PAK5: variants seen among roughly 807,000 people sequenced by gnomAD.
PAK5 encodes p21 (RAC1) activated kinase 5.
PAK5 carries 16 observed loss-of-function variants against 65.9 expected under a neutral mutation model. The observed-to-expected ratio is 0.24, with a 90% confidence interval of 0.16 to 0.37. The LOEUF (loss-of-function observed/expected upper bound fraction) is 0.37. Among genes scored for constraint, PAK5 ranks in the 10% least tolerant of loss-of-function variants. The pLI is 1.00. For missense variants in PAK5, 785 were observed against 903.9 expected, an observed-to-expected ratio of 0.87 and a Z score of 1.69; for synonymous variants, 371 against 354.9, an observed-to-expected ratio of 1.05 and a Z score of -0.51.
intron 3 of PAK5, among the ~76,000 whole-genome samples, chr20:9,585,793 C>T (rs377728025): frequency 1.6e-4 from 25 of 152,058 alleles, no homozygotes; most frequent in South Asian, 6.2e-4. Flanking sequence ...CTTCAGTGGA[C>T]GGAAATTTGT....
chr20:9,648,777 T>C (rs1161794331), intron 2 of PAK5, among the ~76,000 whole-genome samples: 1 of 152,218 alleles, frequency 6.6e-6, no homozygotes, highest in African/African-American at 2.4e-5. Context: ...GAGCAATGTA[T>C]GGCTGCCCTG....
At chr20:9,764,670 A>G (rs1752663788) in intron 1 of PAK5, among the ~76,000 whole-genome samples, 1 of 152,212 alleles carries the variant, frequency 6.6e-6, no homozygotes, top group African/African-American at 2.4e-5. Context: ...ACTCATATAT[A>G]GAAAAGAGTC....
chr20:9,544,322 T>C (rs1160217253), intron 8 of PAK5, 47 bp downstream of exon 8: 2 of 1,601,618 alleles, frequency 1.2e-6, no homozygotes, highest in African/African-American at 1.3e-5. Context: ...AATGGGTCCC[T>C]GAGCCTGTCC....
At chr20:9,765,945 T>C (rs1010272796) in intron 1 of PAK5, among the ~76,000 whole-genome samples, 9 of 152,134 alleles carry the variant, frequency 5.9e-5, no homozygotes, top group South Asian at 2.1e-4. Context: ...TAGAATGGGC[T>C]GGGCGTGGTG....
At chr20:9,617,150 A>C (rs758156208) in intron 3 of PAK5, among the ~76,000 whole-genome samples, 1 of 152,230 alleles carries the variant, frequency 6.6e-6, no homozygotes, top group African/African-American at 2.4e-5. Flanking sequence ...ATTAAAATGC[A>C]AATTCGATTG....
chr20:9,596,384 C>G (rs1257105302), intron 3 of PAK5, among the ~76,000 whole-genome samples: 1 of 152,088 alleles, frequency 6.6e-6, no homozygotes, highest in Non-Finnish European at 1.5e-5. Flanking sequence ...CGCCTGTAAT[C>G]CCAGCACTTT....
chr20:9,682,909 A>AAGGT (rs2047669369), intron 2 of PAK5, among the ~76,000 whole-genome samples: 3 of 152,200 alleles, frequency 2.0e-5, no homozygotes, highest in Admixed American at 2.0e-4. Context: ...CAAGCTCTAG[A>AAGGT]AGGTAGCTTT....
At chr20:9,759,349 T>C (rs1271375105) in intron 1 of PAK5, among the ~76,000 whole-genome samples, 1 of 152,206 alleles carries the variant, frequency 6.6e-6, no homozygotes, top group Non-Finnish European at 1.5e-5. Context: ...AGTGTTCCTC[T>C]GTTTGCATTA....
chr20:9,584,243 A>G (rs1273544846), intron 3 of PAK5, among the ~76,000 whole-genome samples: 1 of 152,222 alleles, frequency 6.6e-6, no homozygotes, highest in Admixed American at 6.5e-5. Flanking sequence ...CCTTAAAAAT[A>G]TCAAGTCTCT....
intron 1 of PAK5, among the ~76,000 whole-genome samples, chr20:9,734,515 AAG>A (rs2123563707): frequency 6.6e-6 from 1 of 151,592 alleles, no homozygotes; most frequent in African/African-American, 2.4e-5. Flanking sequence ...AGAAGAAAGC[AAG>A]AGAGAAAAAG....
intron 2 of PAK5, among the ~76,000 whole-genome samples, chr20:9,703,098 G>T (rs534723809): frequency 1.6e-4 from 24 of 152,082 alleles, no homozygotes; most frequent in Non-Finnish European, 2.9e-4. Context: ...TCTCTGAGCC[G>T]TCAGACCCTT....
intron 7 of PAK5, among the ~76,000 whole-genome samples, chr20:9,549,185 A>T (rs1398184920): frequency 1.3e-5 from 2 of 152,096 alleles, no homozygotes; most frequent in Non-Finnish European, 2.9e-5. Flanking sequence ...AAGAGGAGTG[A>T]TGTTGACTAT....
At chr20:9,572,530 A>G (rs761479602) in intron 4 of PAK5, among the ~76,000 whole-genome samples, 7 of 152,234 alleles carry the variant, frequency 4.6e-5, no homozygotes, top group Non-Finnish European at 8.8e-5. Flanking sequence ...AAAAATGAGT[A>G]GGCTTGAAGT....
chr20:9,739,584 A>C (rs916180862), intron 1 of PAK5, among the ~76,000 whole-genome samples: 2 of 152,144 alleles, frequency 1.3e-5, no homozygotes, highest in African/African-American at 4.8e-5. Context: ...ATTTTTAAAT[A>C]GTCTTTTCCA....
Position 9,550,584 on chromosome 20 carries a change from T to C in PAK5, c.1744-6090A>G, listed in dbSNP as rs147198036. 2.4e-3 allele frequency among the ~76,000 whole-genome samples: 368 copies of C among 152,284 alleles called. 1 individual carries two copies. The highest frequency in any genetic ancestry group is 8.5e-3 in the African/African-American group (353 of 41,538). ...TCATTTATACCTCATAATAATGTAG[T>C]TGACTTTGATAGACAATGTTCAAAT... is the stretch of plus-strand genomic sequence containing the variant. On this transcript the variant is annotated intron_variant, in intron 7 of 9. Coordinates refer to ENST00000353224, the MANE Select transcript of PAK5 (RefSeq NM_177990.4).
At chr20:9,630,693 GA>G (rs1221875448) in intron 3 of PAK5, among the ~76,000 whole-genome samples, 2 of 152,200 alleles carry the variant, frequency 1.3e-5, no homozygotes, top group Non-Finnish European at 2.9e-5. Flanking sequence ...TGCCTTTCAT[GA>G]AAAGGAAGGG....
intron 1 of PAK5, among the ~76,000 whole-genome samples, chr20:9,785,430 T>G (rs2048982364): frequency 1.3e-5 from 2 of 152,224 alleles, no homozygotes; most frequent in Admixed American, 1.3e-4. Flanking sequence ...TGATGAAATG[T>G]GCTAGCTCAA....
chr20:9,769,382 C>T (rs966397387), intron 1 of PAK5, among the ~76,000 whole-genome samples: 1 of 152,214 alleles, frequency 6.6e-6, no homozygotes, highest in East Asian at 1.9e-4. Context: ...CCTCTACATC[C>T]CTGCCAGTCT....
chr20:9,787,010 T>C (rs2048999918), intron 1 of PAK5, among the ~76,000 whole-genome samples: 2 of 152,166 alleles, frequency 1.3e-5, no homozygotes, highest in East Asian at 1.9e-4. Flanking sequence ...TCACTCCTCA[T>C]GCAGCTGCTG....
Sources: allele counts gnomAD v4.1 joint callset (sites outside exome capture counted in the v4.1 genomes callset), GRCh38; gene constraint gnomAD v4.1.1; transcripts MANE v1.5; gene names NCBI Gene and HGNC (gene_info 2026-07-23, HGNC 2026-07-21).